LRRC4C: variants seen among roughly 807,000 people sequenced by gnomAD.
LRRC4C encodes leucine rich repeat containing 4C.
In LRRC4C, 5 loss-of-function variants were observed where a neutral mutation model predicts 33.6. The ratio of observed to expected loss-of-function variants is 0.15; its 90% CI spans 0.08 to 0.31. The LOEUF is 0.31. Among genes scored for constraint, LRRC4C ranks in the 10% least tolerant of loss-of-function variants. The pLI, the probability that LRRC4C is intolerant of heterozygous loss-of-function variation, is 1.00. For synonymous variants in LRRC4C, 329 were observed against 302.0 expected, an observed-to-expected ratio of 1.09 and a Z score of -0.93; for missense variants, 560 against 796.7, an observed-to-expected ratio of 0.70 and a Z score of 3.58.
intron 1 of LRRC4C, among the ~76,000 whole-genome samples, chr11:41,421,202 G>T (rs1409417557): frequency 6.6e-6 from 1 of 151,946 alleles, no homozygotes; most frequent in African/African-American, 2.4e-5. Flanking sequence ...ACAGTTGTTT[G>T]CTATTATTAT....
intron 1 of LRRC4C, among the ~76,000 whole-genome samples, chr11:41,241,122 T>A (rs1463849116): frequency 8.5e-5 from 13 of 152,182 alleles, no homozygotes; most frequent in African/African-American, 3.1e-4. Flanking sequence ...AACTACCTTA[T>A]AGTGTTGAAT....
At chr11:41,150,704 GCTTGAACC>G (rs1230938729) in intron 1 of LRRC4C, among the ~76,000 whole-genome samples, 1 of 151,812 alleles carries the variant, frequency 6.6e-6, no homozygotes, top group Non-Finnish European at 1.5e-5. Context: ...CAGAAGAATT[GCTTGAACC>G]CAGGACGCAG....
chr11:41,178,388 C>A (rs889601597), intron 1 of LRRC4C, among the ~76,000 whole-genome samples: 52 of 152,236 alleles, frequency 3.4e-4, no homozygotes, highest in African/African-American at 1.2e-3. Context: ...GAGACTGGTT[C>A]TTTGACACCC....
chr11:41,447,764 A>G (rs1255380490), intron 1 of LRRC4C, among the ~76,000 whole-genome samples: 3 of 152,220 alleles, frequency 2.0e-5, no homozygotes, highest in Non-Finnish European at 4.4e-5. Flanking sequence ...TGATTCAGTT[A>G]AAACATAAAA....
intron 3 of LRRC4C, among the ~76,000 whole-genome samples, chr11:40,555,457 G>GA (rs1247461307): frequency 2.0e-4 from 30 of 152,228 alleles, no homozygotes; most frequent in African/African-American, 6.7e-4. Flanking sequence ...GCAATAGGAG[G>GA]AAAATCTATT....
intron 1 of LRRC4C, among the ~76,000 whole-genome samples, chr11:41,324,237 C>G (rs557261686): frequency 2.6e-5 from 4 of 152,222 alleles, no homozygotes; most frequent in Non-Finnish European, 5.9e-5. Context: ...TCAAGACCAG[C>G]CTGACCAACA....
intron 3 of LRRC4C, among the ~76,000 whole-genome samples, chr11:40,320,004 T>G (rs2136841076): frequency 6.6e-6 from 1 of 152,232 alleles, no homozygotes; most frequent in Admixed American, 6.5e-5. Context: ...CTAGATTTAT[T>G]AGTCTTTCAT....
At chr11:40,756,578 T>C (rs977956102) in intron 2 of LRRC4C, among the ~76,000 whole-genome samples, 4 of 152,166 alleles carry the variant, frequency 2.6e-5, no homozygotes, top group South Asian at 4.2e-4. Context: ...ATTTTCTCCA[T>C]ATGCAAAATA....
At chr11:40,783,235 GATCTT>G (rs1298192123) in intron 2 of LRRC4C, among the ~76,000 whole-genome samples, 21 of 151,828 alleles carry the variant, frequency 1.4e-4, no homozygotes, top group Non-Finnish European at 3.1e-4. Flanking sequence ...GGTGTTCGGT[GATCTT>G]ATAAGAGATT....
chr11:40,266,444 A>G (rs771514534), intron 4 of LRRC4C, among the ~76,000 whole-genome samples: 1 of 152,140 alleles, frequency 6.6e-6, no homozygotes, highest in Non-Finnish European at 1.5e-5. Context: ...TTCAGCCTGG[A>G]TGACAGAGTG....
chr11:40,537,129 A>T (rs563012813), intron 3 of LRRC4C, among the ~76,000 whole-genome samples: 4 of 152,216 alleles, frequency 2.6e-5, no homozygotes, highest in Admixed American at 2.6e-4. Flanking sequence ...ACCTTCAATA[A>T]CAAAAAATGG....
chr11:40,778,625 G>A (rs10837501), intron 2 of LRRC4C, among the ~76,000 whole-genome samples: 29,642 of 152,058 alleles, frequency 0.19, 3,402 homozygotes, highest in Non-Finnish European at 0.26. Flanking sequence ...TAGGGAAGCC[G>A]GTAGAGGAGG....
At chr11:40,911,325 C>G (rs1956673712) in intron 2 of LRRC4C, among the ~76,000 whole-genome samples, 2 of 152,136 alleles carry the variant, frequency 1.3e-5, no homozygotes, top group Non-Finnish European at 2.9e-5. Flanking sequence ...CCTCACACAG[C>G]CGAGTACTCC....
At chr11:40,720,693 G>T (rs185227352) in intron 2 of LRRC4C, among the ~76,000 whole-genome samples, 1 of 152,322 alleles carries the variant, frequency 6.6e-6, no homozygotes, top group Admixed American at 6.5e-5. Context: ...TAACTTGATA[G>T]AGGTCTCAGA....
rs531571843 is a variant in LRRC4C, at chr11:40,676,462, T to C, written c.-406-28184A>G. Among the ~76,000 whole-genome samples the C allele has an allele frequency of 3.9e-5, 6 of 152,332 alleles. No individual in the cohort carries two copies. The East Asian group carries it at 5.8e-4, about 15-fold the overall frequency. ...GTGAGGGAATCTCATCAGGCAAACA[T>C]ACAGATTTGGGGCAGTTCCAATTAT... On this transcript the variant is annotated intron_variant, in intron 2 of 6. Transcript: ENST00000528697.
At chr11:41,314,433 G>T (rs1950727504) in intron 1 of LRRC4C, among the ~76,000 whole-genome samples, 1 of 152,142 alleles carries the variant, frequency 6.6e-6, no homozygotes, top group Non-Finnish European at 1.5e-5. Context: ...TATGATAATT[G>T]TCAGTTTTAT....
intron 2 of LRRC4C, among the ~76,000 whole-genome samples, chr11:40,677,395 A>G (rs1259164031): frequency 6.6e-6 from 1 of 152,170 alleles, no homozygotes; most frequent in Non-Finnish European, 1.5e-5. Context: ...CAACTCAAAC[A>G]AAACAAGACA....
chr11:41,015,068 G>A (rs964017552), intron 1 of LRRC4C, among the ~76,000 whole-genome samples: 4 of 152,118 alleles, frequency 2.6e-5, no homozygotes, highest in Non-Finnish European at 4.4e-5. Context: ...AGACTGGGAC[G>A]ATAATCTAGC....
Position 41,404,452 on chromosome 11 carries a change from C to T in LRRC4C, c.-496+54979G>A, listed in dbSNP as rs75645180. 3.7e-3 allele frequency among the ~76,000 whole-genome samples: 556 copies of T among 150,772 alleles called. 9 individuals are homozygous for T. Among genetic ancestry groups the T allele is most frequent in the Non-Finnish European group, 5.2e-3 (355 of 67,696 alleles). The stretch of plus-strand genomic sequence containing the variant: ...CAGCATCAGGGATGTCTCTGATCTC[C>T]GACAACCCCAGGGCTATGTGTGTGT... On this transcript the variant is annotated intron_variant, in intron 1 of 6. Coordinates refer to ENST00000528697, the MANE Select transcript of LRRC4C (RefSeq NM_001258419.2).
Sources: allele counts gnomAD v4.1 joint callset (sites outside exome capture counted in the v4.1 genomes callset), GRCh38; gene constraint gnomAD v4.1.1; transcripts MANE v1.5; gene names NCBI Gene and HGNC (gene_info 2026-07-23, HGNC 2026-07-21).